FNDC7: variants seen among roughly 807,000 people sequenced by gnomAD.
FNDC7 encodes the protein fibronectin type III domain containing 7.
FNDC7 carries 66 observed loss-of-function variants against 74.2 expected under a neutral mutation model. That is an observed-to-expected ratio of 0.89 (90% CI 0.73 to 1.09). The LOEUF (loss-of-function observed/expected upper bound fraction) is 1.09, where lower values mean the gene tolerates loss of function less well. Among genes scored for constraint, FNDC7 ranks in the 50% least tolerant of loss-of-function variants. The pLI is 0.00. For synonymous variants in FNDC7, 307 were observed against 330.2 expected (o/e 0.93, Z 0.76); for missense variants, 829 against 893.4 (o/e 0.93, Z 0.92).
At chr1:108,722,766 G>A (rs935617693) in intron 5 of FNDC7, among the ~76,000 whole-genome samples, 174 bp downstream of exon 5, 4 of 152,248 alleles carry the variant, frequency 2.6e-5, no homozygotes, top group East Asian at 3.8e-4. Flanking sequence ...ATAGTGAAGC[G>A]AGATATTGTG....
intron 5 of FNDC7, 92 bp from the exon 6 acceptor site, chr1:108,725,658 T>C: frequency 7.3e-7 from 1 of 1,376,096 alleles, no homozygotes; most frequent in Non-Finnish European, 9.9e-7. Flanking sequence ...TCAGAGTTGC[T>C]AATTTGGGTT....
Position 108,728,638 on chromosome 1 carries a change from G to T in FNDC7, c.1376G>T (p.Cys459Phe). The T allele has an allele frequency of 6.2e-7, 1 of 1,614,172 alleles. No homozygotes were observed. The highest frequency in any genetic ancestry group is 8.5e-7 in the Non-Finnish European group (1 of 1,180,010). Residue 459 changes from cysteine (C) to phenylalanine (F), a missense_variant, in exon 8 of 13, where the codon TGC (cysteine) becomes TTC (phenylalanine). By Grantham distance (205) the Cys-to-Phe change is radical (BLOSUM62 -2). Transcript: ENST00000370017. ...CTPQFITTAP[C>F]SPEIKNVSRD... Reference sequence around the variant, plus strand: ...ATACTCTAAAATGTCTTAGCTCCTTGCAGTCCTGAAATAAAAAATGTTTCA... The same window carrying T: ...ATACTCTAAAATGTCTTAGCTCCTTTCAGTCCTGAAATAAAAAATGTTTCA...
rs537438308 is a variant in FNDC7 at position 108,735,102 on chromosome 1, G to A, written c.2140+1570G>A. On this transcript the variant is annotated intron_variant, in intron 10 of 12. Coordinates refer to ENST00000370017, the MANE Select transcript of FNDC7 (RefSeq NM_001144937.3). ...TGCTGTTTCTGATCTTCCTCCCATC[G>A]TCCTTGTTTCAGGTACATTAGCTAA... Among the ~76,000 whole-genome samples the A allele has an allele frequency of 1.4e-4, 21 of 152,226 alleles. No homozygotes were observed. In the South Asian group the frequency reaches 3.3e-3, roughly 24 times the overall value.
At position 108,730,698 on chromosome 1, in the gene FNDC7, CAG is replaced by C; in HGVS notation, c.1650_1651del (p.Val551AsnfsTer33). ...GTGCCATGCTGTCCAACCGGTCTGA[CAG>C]TAACTCAAATCACCCAGTCAGTAAT... is the stretch of plus-strand genomic sequence containing the variant. On this transcript the variant is annotated frameshift_variant, in exon 9 of 13. Coordinates refer to ENST00000370017, the MANE Select transcript of FNDC7 (RefSeq NM_001144937.3). LOFTEE classifies it high-confidence loss of function. 1 of 1,595,776 alleles carries C rather than the reference CAG, an allele frequency of 6.3e-7. No individual in the cohort carries two copies. Among genetic ancestry groups the C allele is most frequent in the Non-Finnish European group, 8.6e-7 (1 of 1,168,322 alleles).
intron 11 of FNDC7, among the ~76,000 whole-genome samples, chr1:108,738,442 G>A (rs1455462449): frequency 6.6e-6 from 1 of 152,124 alleles, no homozygotes; most frequent in Non-Finnish European, 1.5e-5. Flanking sequence ...AGGAGTCCTT[G>A]CCACAGCCTT....
rs776868798 is a variant in FNDC7 at position 108,722,362 on chromosome 1, T to C, written c.626T>C (p.Val209Ala). 4 of 1,612,282 alleles carry C rather than the reference T, an allele frequency of 2.5e-6. No homozygotes were observed. In the Admixed American group the frequency reaches 5.0e-5, roughly 20 times the overall value. Residue 209 changes from valine to alanine, a missense_variant, in exon 5 of 13, where the codon GTC (valine) becomes GCC (alanine). Coordinates refer to ENST00000370017, the MANE Select transcript of FNDC7 (RefSeq NM_001144937.3). ...TSPRAPANIQ[V>A]SFDSGALKAS... The stretch of plus-strand genomic sequence containing the variant: ...CCTCGGGCCCCTGCCAACATTCAAG[T>C]CTCTTTCGATAGTGGAGCTCTGAAG...
At position 108,714,362 on chromosome 1, in the gene FNDC7, A is replaced by G. The variant is rs190184678; in HGVS notation, c.82+833A>G. ...ATGAAATTTCATAAAATTCATGCAT[A>G]TACAGTAAGTTTTTAAAAATTTCTA... On this transcript the variant is annotated intron_variant, in intron 2 of 12. Coordinates refer to ENST00000370017, the MANE Select transcript of FNDC7 (RefSeq NM_001144937.3). 5.9e-5 allele frequency among the ~76,000 whole-genome samples: 9 copies of G among 152,344 alleles called. No homozygotes were observed. In the East Asian group the frequency reaches 1.7e-3, roughly 29 times the overall value.
At chr1:108,718,117 T>G (rs886304829) in intron 3 of FNDC7, 86 bp downstream of exon 3, 102 of 1,484,670 alleles carry the variant, frequency 6.9e-5, no homozygotes, top group Middle Eastern at 2.3e-4. Flanking sequence ...AGAATGTGAT[T>G]TGGTGTCACA....
intron 12 of FNDC7, 36 bp from the exon 13 acceptor site, chr1:108,741,889 G>A: frequency 7.2e-7 from 1 of 1,398,444 alleles, no homozygotes; most frequent in Middle Eastern, 2.2e-4. Context: ...AAAGTTTTTT[G>A]TCTTTGTTTA....
intron 10 of FNDC7, 72 bp from the exon 11 acceptor site, chr1:108,737,423 A>G: frequency 7.4e-7 from 1 of 1,352,436 alleles, no homozygotes; most frequent in Non-Finnish European, 1.0e-6. Context: ...ATTCTTTCTT[A>G]AGTTAAATCT....
At chr1:108,741,009 G>T (rs1460505069) in intron 11 of FNDC7, among the ~76,000 whole-genome samples, 1 of 152,180 alleles carries the variant, frequency 6.6e-6, no homozygotes, top group Non-Finnish European at 1.5e-5. Context: ...ATCAGCATCA[G>T]CTGGGAACCT....
Position 108,725,744 on chromosome 1 carries a change from T to TC in FNDC7, c.857-4dup. 6.2e-7 allele frequency: 1 copy of TC among 1,612,808 alleles called. No homozygotes were observed. Among genetic ancestry groups the TC allele is most frequent in the African/African-American group, 1.3e-5 (1 of 75,008 alleles). ...AGTCTCATGTTTATTATTGATCATT[T>TC]CCTAGTTGCTTGTGCACCCGGAAGA... On this transcript the variant is annotated splice_region_variant and splice_polypyrimidine_tract_variant and intron_variant, in intron 5 of 12. Coordinates refer to ENST00000370017, the MANE Select transcript of FNDC7 (RefSeq NM_001144937.3).
intron 6 of FNDC7, among the ~76,000 whole-genome samples, chr1:108,726,986 C>A (rs1206876478): frequency 6.6e-6 from 1 of 152,132 alleles, no homozygotes; most frequent in African/African-American, 2.4e-5. Context: ...AAACTCCAAG[C>A]TGAGTCAGAC....
chr1:108,723,737 A>G (rs1661146408), intron 5 of FNDC7, among the ~76,000 whole-genome samples: 1 of 152,238 alleles, frequency 6.6e-6, no homozygotes, highest in African/African-American at 2.4e-5. Context: ...AGAACCATGC[A>G]GAGTTTTTAA....
intron 1 of FNDC7, 38 bp downstream of exon 1, chr1:108,713,034 G>A: frequency 6.6e-7 from 1 of 1,512,880 alleles, no homozygotes; most frequent in Admixed American, 2.1e-5. Context: ...ACTATTTAGG[G>A]GAAAAAAGAA....
rs1661657811 is a variant in FNDC7 at position 108,741,868 on chromosome 1, GA to G, written c.*37+28del. ...TGAGTAACGTAAATTGATTTTGTGT[GA>G]TTTTATGGCAAAGTTTTTTGTCTTT... On this transcript the variant is annotated intron_variant, in intron 12 of 12. Transcript: ENST00000370017. The G allele has an allele frequency of 1.9e-6, 3 of 1,538,598 alleles. No homozygotes were observed. The African/African-American group carries it at 4.1e-5, about 21-fold the overall frequency.
In FNDC7 at chr1:108,725,952, C is replaced by A. The variant is rs1557789577; in HGVS notation, c.1059C>A (p.Val353=). The A allele has an allele frequency of 6.2e-7, 1 of 1,614,100 alleles. No individual in the cohort carries two copies. Among genetic ancestry groups the A allele is most frequent in the Non-Finnish European group, 8.5e-7 (1 of 1,180,002 alleles). ...CGFTYFISVF[V]YNKAGQSPLG... ...TCACTTATTTTATTAGTGTTTTTGT[C>A]TATAACAAGGCAGGGCAAAGTCCTT... The change falls in exon 6 of 13, where the codon GTC becomes GTA. Residue 353 remains valine, a synonymous_variant. Transcript: ENST00000370017.
At chr1:108,730,594 A>T (rs1661319977) in intron 8 of FNDC7, 80 bp from the exon 9 acceptor site, 1 of 1,458,412 alleles carries the variant, frequency 6.9e-7, no homozygotes, top group African/African-American at 1.4e-5. Context: ...ACACAGGCAA[A>T]ATACCATTCT....
Position 108,728,056 on chromosome 1 carries a change from A to G in FNDC7, c.1360A>G (p.Ile454Val). The part of the protein sequence containing the change: ...GSNMSCTPQF[I>V]TTAPCSPEIK... ...CAATATGTCATGTACTCCCCAGTTC[A>G]TAACCACAGGTAAGGCACAGCTATC... Residue 454 changes from isoleucine to valine, a missense_variant, in exon 7 of 13, where the codon ATA becomes GTA. Physicochemically the swap from Ile to Val is conservative, Grantham distance 29 (BLOSUM62 3). Transcript: ENST00000370017. The G allele has an allele frequency of 6.2e-7, 1 of 1,613,576 alleles. No individual in the cohort carries two copies. Among genetic ancestry groups the G allele is most frequent in the Non-Finnish European group, 8.5e-7 (1 of 1,179,660 alleles).
Sources: gnomAD v4.1 joint callset for allele counts (sites outside exome capture counted in the v4.1 genomes callset) on GRCh38, gnomAD v4.1.1 for gene constraint, MANE v1.5 for transcripts, NCBI Gene and HGNC (gene_info 2026-07-23, HGNC 2026-07-21) for gene names.